Variants in CELF2 observed in about 807,000 individuals in gnomAD.
The protein encoded by CELF2 is CUGBP Elav-like family member 2.
CELF2 carries 8 observed loss-of-function variants against 62.6 expected under a neutral mutation model. The observed-to-expected ratio is 0.13, with a 90% CI of 0.07 to 0.23. CELF2 has a LOEUF of 0.23. CELF2 is among the 10% of genes least tolerant of loss of function. CELF2 has a pLI of 1.00. For synonymous variants in CELF2, 258 were observed against 250.0 expected (o/e 1.03, Z -0.30); for missense variants, 333 against 671.0 (o/e 0.50, Z 5.56).
intron 1 of CELF2, among the ~76,000 whole-genome samples, chr10:11,086,487 G>A (rs905702520): frequency 6.7e-6 from 1 of 149,078 alleles, no homozygotes; most frequent in African/African-American, 2.5e-5. Flanking sequence ...ATCATTGAGA[G>A]AGGTGAGGCT....
intron 2 of CELF2, among the ~76,000 whole-genome samples, chr10:11,204,045 C>T (rs780213533): frequency 1.3e-5 from 2 of 152,176 alleles, no homozygotes; most frequent in Non-Finnish European, 2.9e-5. Context: ...ACATCAGCCC[C>T]GTTTTCTTCT....
chr10:10,487,058 G>T, the CELF2 span, among the ~76,000 whole-genome samples: 1 of 152,130 alleles, frequency 6.6e-6, no homozygotes, highest in Non-Finnish European at 1.5e-5. Context: ...AGCATTTTAT[G>T]CTTAAAGGTA....
the CELF2 span, among the ~76,000 whole-genome samples, chr10:10,580,105 T>C: frequency 4.6e-5 from 7 of 152,174 alleles, no homozygotes; most frequent in Non-Finnish European, 1.0e-4. Context: ...AGTTTTTCCC[T>C]TAAAATAATA....
chr10:10,537,159 G>T, the CELF2 span, among the ~76,000 whole-genome samples: 1 of 152,152 alleles, frequency 6.6e-6, no homozygotes, highest in African/African-American at 2.4e-5. Flanking sequence ...TTCTAGCATG[G>T]AAGGAGACAC....
At chr10:10,504,583 G>T in the CELF2 span, among the ~76,000 whole-genome samples, 1 of 152,044 alleles carries the variant, frequency 6.6e-6, no homozygotes, top group African/African-American at 2.4e-5. Context: ...TAGATTTGGG[G>T]TATTTTCCAG....
intron 4 of CELF2, among the ~76,000 whole-genome samples, chr10:11,249,721 C>T (rs2076590790): frequency 6.6e-6 from 1 of 152,152 alleles, no homozygotes. Context: ...AGAGTTCAGT[C>T]TGCTGATTAA....
chr10:11,327,474 G>A (rs1028575938), intron 12 of CELF2, among the ~76,000 whole-genome samples: 4 of 152,126 alleles, frequency 2.6e-5, no homozygotes, highest in African/African-American at 7.2e-5. Flanking sequence ...TTCCATTTTT[G>A]TGGAACGCTA....
At chr10:10,864,711 C>G (rs923318638) in intron 1 of CELF2, among the ~76,000 whole-genome samples, 4 of 152,168 alleles carry the variant, frequency 2.6e-5, no homozygotes, top group African/African-American at 2.4e-5. Flanking sequence ...CTCAAAGGCT[C>G]CATCTCCAAA....
intron 1 of CELF2, among the ~76,000 whole-genome samples, chr10:11,094,972 G>A (rs908068053): frequency 6.6e-6 from 1 of 152,136 alleles, no homozygotes; most frequent in Non-Finnish European, 1.5e-5. Flanking sequence ...TGTGAAAACA[G>A]TATAATTACA....
chr10:10,714,376 A>T, the CELF2 span, among the ~76,000 whole-genome samples: 1 of 152,214 alleles, frequency 6.6e-6, no homozygotes, highest in Admixed American at 6.5e-5. Flanking sequence ...ATTGACCTGG[A>T]ATATAAAACA....
chr10:11,005,240 AAGACAGAGAGAGAGGGAGAGAG>A (rs1290232477), upstream of CELF2: 8 of 1,234,086 alleles, frequency 6.5e-6, no homozygotes, highest in African/African-American at 3.3e-5. The surrounding 1 kb of genome is among the most constrained non-coding windows in gnomAD (Gnocchi z 4.3). Context: ...AGAGAGTGGG[AAGACAGAGAGAGAGGGAGAGAG>A]AGAGAGAGAG....
At chr10:11,088,576 A>G (rs2047446560) in intron 1 of CELF2, among the ~76,000 whole-genome samples, 1 of 69,192 alleles carries the variant, frequency 1.4e-5, no homozygotes, top group African/African-American at 1.2e-4. Flanking sequence ...GATTTCTCAA[A>G]TGATGATGCT....
At chr10:10,704,222 G>A in the CELF2 span, among the ~76,000 whole-genome samples, 7 of 152,248 alleles carry the variant, frequency 4.6e-5, no homozygotes, top group African/African-American at 1.7e-4. Flanking sequence ...GATGTACAGG[G>A]AAGTTTTATC....
rs936065191 is a variant in CELF2, at chr10:11,227,471, G to T, written c.354+9964G>T. ...AGGCAAAGGAGGATGGGTGCCAGGG[G>T]TGCCTCTGCATGAAGTGCTGGAAGC... On this transcript the variant is annotated intron_variant, in intron 3 of 12. Transcript: ENST00000633077. The surrounding 1 kb of genome is among the most constrained non-coding windows in gnomAD (Gnocchi z 4.8). Among the ~76,000 whole-genome samples the T allele has an allele frequency of 6.6e-6, 1 of 152,220 alleles. No homozygotes were observed. Among genetic ancestry groups the T allele is most frequent in the Admixed American group, 6.5e-5 (1 of 15,284 alleles).
chr10:11,031,969 T>C (rs2060183049), intron 1 of CELF2, among the ~76,000 whole-genome samples: 1 of 152,070 alleles, frequency 6.6e-6, no homozygotes, highest in Non-Finnish European at 1.5e-5. Context: ...CAGTGGCACC[T>C]CCTCACACAA....
At chr10:10,676,061 G>T in the CELF2 span, among the ~76,000 whole-genome samples, 43,428 of 152,010 alleles carry the variant, frequency 0.29, 6,732 homozygotes, top group South Asian at 0.52. Context: ...GGAACTGCTG[G>T]TGGTAGGCTT....
chr10:10,749,385 C>G, the CELF2 span, among the ~76,000 whole-genome samples: 2 of 152,138 alleles, frequency 1.3e-5, no homozygotes, highest in Non-Finnish European at 2.9e-5. Flanking sequence ...GCCTAGAAAT[C>G]TAAATTACAG....
chr10:10,718,051 T>A, the CELF2 span, among the ~76,000 whole-genome samples: 1 of 152,198 alleles, frequency 6.6e-6, no homozygotes, highest in African/African-American at 2.4e-5. Context: ...TCTTTGGTGT[T>A]AAAAACAAAG....
intron 1 of CELF2, among the ~76,000 whole-genome samples, chr10:10,800,390 T>C (rs778783852): frequency 1.2e-4 from 19 of 152,172 alleles, no homozygotes; most frequent in Non-Finnish European, 7.4e-5. Flanking sequence ...TCACTCTTGT[T>C]GCCCAGGCTG....
Sources: gnomAD v4.1 joint callset for allele counts (sites outside exome capture counted in the v4.1 genomes callset) on GRCh38, gnomAD v4.1.1 for gene constraint, Gnocchi (gnomAD v3.1) non-coding constraint, MANE v1.5 for transcripts, NCBI Gene and HGNC (gene_info 2026-07-23, HGNC 2026-07-21) for gene names.